RRH: variants seen among roughly 807,000 people sequenced by gnomAD.
The protein encoded by RRH is visual pigment-like receptor peropsin.
Under a neutral mutation model 33.1 loss-of-function variants are expected in RRH, and 36 were observed. That is an observed-to-expected ratio of 1.09 (90% CI 0.83 to 1.44). The LOEUF is 1.44. RRH is among the 40% of genes most tolerant of loss of function. The pLI is 0.00. For missense variants in RRH, 393 were observed against 420.2 expected (o/e 0.94, Z 0.57); for synonymous variants, 124 against 140.2 (o/e 0.88, Z 0.82).
intron 2 of RRH, 94 bp from the exon 3 acceptor site, chr4:109,835,272 G>A: frequency 1.3e-6 from 1 of 790,270 alleles, no homozygotes; most frequent in East Asian, 2.6e-5. Flanking sequence ...AAAACCTTTA[G>A]TATATTTGAG....
At position 109,829,953 on chromosome 4, in the gene RRH, T is replaced by C. The variant is rs150450494; in HGVS notation, c.106+1820T>C. ...CTCCTTTAACAAAACTCACTTAAAG[T>C]TGCAAATCAAAACCAAAACTATGAG... On this transcript the variant is annotated intron_variant, in intron 1 of 6. Transcript: ENST00000317735. Among the ~76,000 whole-genome samples, 216 of 152,272 alleles carry C rather than the reference T, an allele frequency of 1.4e-3. 2 individuals are homozygous for C. Among genetic ancestry groups the C allele is most frequent in the African/African-American group, 5.1e-3 (212 of 41,566 alleles).
At chr4:109,837,351 A>C in intron 4 of RRH, 86 bp from the exon 5 acceptor site, 1 of 1,146,850 alleles carries the variant, frequency 8.7e-7, no homozygotes, top group Non-Finnish European at 1.3e-6. Context: ...GACTACCAGT[A>C]TTGTTTTTAA....
chr4:109,837,950 T>G (rs1331772158), intron 5 of RRH, among the ~76,000 whole-genome samples: 1 of 152,160 alleles, frequency 6.6e-6, no homozygotes, highest in Non-Finnish European at 1.5e-5. Context: ...TAATTTTTTT[T>G]GTATTTTTAG....
At chr4:109,843,069 G>A (rs1734013553) in intron 6 of RRH, among the ~76,000 whole-genome samples, 1 of 152,226 alleles carries the variant, frequency 6.6e-6, no homozygotes. Context: ...CACTTGGTGG[G>A]TAGCACAGAT....
At position 109,836,085 on chromosome 4, in the gene RRH, C is replaced by T; in HGVS notation, c.476C>T (p.Pro159Leu). The T allele has an allele frequency of 6.2e-7, 1 of 1,614,104 alleles. No individual in the cohort carries two copies. Among genetic ancestry groups the T allele is most frequent in the Non-Finnish European group, 8.5e-7 (1 of 1,179,982 alleles). The part of the protein sequence containing the change: ...WINGLFWALM[P>L]IIGWASYAPD... ...AATGGCCTGTTTTGGGCTTTGATGC[C>T]TATCATAGGGTGGGCTAGTTATGCC... Residue 159 changes from proline to leucine, a missense_variant, in exon 4 of 7, where the codon CCT becomes CTT. By Grantham distance (98) the Pro-to-Leu change is moderately conservative (BLOSUM62 -3). Coordinates refer to ENST00000317735, the MANE Select transcript of RRH (RefSeq NM_006583.5).
chr4:109,844,041 A>G, intron 6 of RRH, 42 bp from the exon 7 acceptor site: 2 of 1,305,150 alleles, frequency 1.5e-6, no homozygotes, highest in South Asian at 1.2e-5. Context: ...GAAGTTCCAA[A>G]TCATTATGGG....
intron 5 of RRH, among the ~76,000 whole-genome samples, chr4:109,839,716 G>A (rs1733951395): frequency 6.6e-6 from 1 of 152,114 alleles, no homozygotes; most frequent in East Asian, 1.9e-4. Context: ...AAGGTATTTG[G>A]TTTTCTGTTC....
intron 2 of RRH, among the ~76,000 whole-genome samples, chr4:109,834,258 G>C (rs527978801): frequency 1.3e-5 from 2 of 151,100 alleles, no homozygotes; most frequent in East Asian, 3.9e-4. Context: ...TTTTGTGAAC[G>C]TAGAAAGCCC....
chr4:109,838,424 T>C (rs1733928630), intron 5 of RRH, among the ~76,000 whole-genome samples: 1 of 152,156 alleles, frequency 6.6e-6, no homozygotes, highest in African/African-American at 2.4e-5. Context: ...GCCAACATCC[T>C]CAGGCCTCCC....
At position 109,842,559 on chromosome 4, in the gene RRH, A is replaced by T. The variant is rs535807457; in HGVS notation, c.811A>T (p.Ile271Phe). The change falls in exon 6 of 7, where the codon ATT becomes TTT. Residue 271 changes from isoleucine to phenylalanine, a missense_variant. Ile to Phe is a conservative substitution (Grantham distance 21, BLOSUM62 0). Coordinates refer to ENST00000317735, the MANE Select transcript of RRH (RefSeq NM_006583.5). ...LWASFGDPKKIPPPMAIIAPL... is the reference protein window; with the variant it reads ...LWASFGDPKKFPPPMAIIAPL... Reference sequence around the variant, plus strand: ...GGCTTCTTTTGGTGACCCAAAGAAGATTCCTCCCCCCATGGCCATCATAGC... The same window carrying T: ...GGCTTCTTTTGGTGACCCAAAGAAGTTTCCTCCCCCCATGGCCATCATAGC... 1.1e-5 allele frequency: 17 copies of T among 1,613,948 alleles called. No individual in the cohort carries two copies. Among genetic ancestry groups the T allele is most frequent in the Middle Eastern group, 3.3e-4 (2 of 6,062 alleles).
rs569409892 is a variant in RRH, at chr4:109,832,362, G to T, written c.107-777G>T. 4.0e-5 allele frequency among the ~76,000 whole-genome samples: 6 copies of T among 150,968 alleles called. 1 individual carries two copies. The South Asian group carries it at 1.3e-3, about 32-fold the overall frequency. On this transcript the variant is annotated intron_variant, in intron 1 of 6. Coordinates refer to ENST00000317735, the MANE Select transcript of RRH (RefSeq NM_006583.5). ...CAATCTGGGGCACTGACAACACTGA[G>T]GTTCTGGAAACTTGATTTCCAGAAA...
At chr4:109,836,890 A>C (rs1271152832) in intron 4 of RRH, among the ~76,000 whole-genome samples, 1 of 83,732 alleles carries the variant, frequency 1.2e-5, no homozygotes, top group African/African-American at 4.2e-5. Context: ...CCCTGTCTCT[A>C]CAAAAAAAAA....
chr4:109,834,955 C>G (rs1028011701), intron 2 of RRH, among the ~76,000 whole-genome samples: 3 of 152,076 alleles, frequency 2.0e-5, no homozygotes, highest in African/African-American at 7.2e-5. Context: ...GGTTGTATGT[C>G]TTATGTTATA....
chr4:109,842,661 A>G lies in RRH; in HGVS notation c.899+14A>G. ...TGCTAATAAAAAGTAAGTAATGTCT[A>G]AAATGCTTGCAGTACAAAATAAAAC... On this transcript the variant is annotated intron_variant, in intron 6 of 6. Transcript: ENST00000317735. 1 of 1,601,362 alleles carries G rather than the reference A, an allele frequency of 6.2e-7. No homozygotes were observed. The highest frequency in any genetic ancestry group is 8.6e-7 in the Non-Finnish European group (1 of 1,168,392).
At chr4:109,833,844 C>CT (rs11458165) in intron 2 of RRH, among the ~76,000 whole-genome samples, 81,389 of 151,996 alleles carry the variant, frequency 0.54, 22,918 homozygotes, top group Non-Finnish European at 0.64. Context: ...TAGGCTAATT[C>CT]TTTTAGCAGT....
chr4:109,830,840 C>T (rs1432136027), intron 1 of RRH, among the ~76,000 whole-genome samples: 2 of 152,036 alleles, frequency 1.3e-5, no homozygotes, highest in African/African-American at 4.8e-5. Flanking sequence ...GGAAGTAGAT[C>T]AAGAAGGGTC....
At chr4:109,833,385 T>A (rs1733803260) in intron 2 of RRH, 56 bp downstream of exon 2, 2 of 1,381,850 alleles carry the variant, frequency 1.4e-6, no homozygotes, top group South Asian at 2.4e-5. Context: ...AATGTAAATT[T>A]AAATGTCTAA....
At chr4:109,835,581 C>A (rs923231319) in intron 3 of RRH, 116 bp downstream of exon 3, 3 of 792,994 alleles carry the variant, frequency 3.8e-6, no homozygotes, top group Admixed American at 2.0e-5. Context: ...AGTTTTATTT[C>A]TCTGCCAATA....
intron 1 of RRH, among the ~76,000 whole-genome samples, chr4:109,829,855 A>G (rs1440581647): frequency 1.3e-5 from 2 of 152,172 alleles, no homozygotes; most frequent in East Asian, 1.9e-4. Flanking sequence ...TGAAGGAAGC[A>G]TAGCTGAACT....
Sources: gnomAD v4.1 joint callset for allele counts (sites outside exome capture counted in the v4.1 genomes callset) on GRCh38, gnomAD v4.1.1 for gene constraint, MANE v1.5 for transcripts, NCBI Gene and HGNC (gene_info 2026-07-23, HGNC 2026-07-21) for gene names.